Variants in ACTN1 observed in about 807,000 individuals in gnomAD.
ACTN1 encodes alpha-actinin-1.
In ACTN1, 30 loss-of-function variants were observed where a neutral mutation model predicts 119.6. The observed-to-expected ratio is 0.25, with a 90% CI of 0.19 to 0.34. The LOEUF is 0.34. ACTN1 is among the 10% of genes least tolerant of loss of function. The pLI is 1.00. For synonymous variants in ACTN1, 429 were observed against 472.6 expected, an observed-to-expected ratio of 0.91 and a Z score of 1.20; for missense variants, 764 against 1,223.4, an observed-to-expected ratio of 0.62 and a Z score of 5.60.
Position 68,909,490 on chromosome 14 carries a change from G to T in ACTN1, c.516-94C>A, listed in dbSNP as rs771099218. 54 of 1,121,616 alleles carry T rather than the reference G, an allele frequency of 4.8e-5. No individual in the cohort carries two copies. The highest frequency in any genetic ancestry group is 6.0e-5 in the Non-Finnish European group (45 of 752,174). The allele number at this position is 1,121,616 out of a possible 1,614,324, so 69.5% of individuals were successfully genotyped here. On this transcript the variant is annotated intron_variant, in intron 5 of 21. Coordinates refer to ENST00000394419, the MANE Select transcript of ACTN1 (RefSeq NM_001130004.2). This position sits in a 1 kb window ranked among gnomAD's most constrained non-coding sequence, Gnocchi z 4.1. ...GCAGGGGCCTCCTAGACACCAGAGA[G>T]ATGAACACATAGAGCTTTCTGGGGT...
intron 8 of ACTN1, among the ~76,000 whole-genome samples, chr14:68,899,415 ACAC>A (rs1054226274): frequency 2.3e-4 from 32 of 140,242 alleles, no homozygotes; most frequent in African/African-American, 2.8e-4. Context: ...ACACCCTTCC[ACAC>A]CACATTCCCC....
chr14:68,894,407 GCGCTGC>G (rs1370022130), intron 8 of ACTN1, among the ~76,000 whole-genome samples: 2 of 152,194 alleles, frequency 1.3e-5, no homozygotes, highest in Non-Finnish European at 2.9e-5. Context: ...CACACATCAT[GCGCTGC>G]GTGCTGGGCT....
At chr14:68,977,019 C>A (rs2037084323) in intron 1 of ACTN1, among the ~76,000 whole-genome samples, 1 of 152,206 alleles carries the variant, frequency 6.6e-6, no homozygotes, top group South Asian at 2.1e-4. Context: ...CAGGCCGGTG[C>A]TCAGTGTCTG....
chr14:68,931,640 C>A (rs917885270), intron 1 of ACTN1, among the ~76,000 whole-genome samples: 1 of 152,152 alleles, frequency 6.6e-6, no homozygotes, highest in Non-Finnish European at 1.5e-5. Flanking sequence ...CTTCTCCAAG[C>A]CTCCATCTCC....
chr14:68,882,424 G>GGCC lies in ACTN1; in HGVS notation c.1953+33_1953+34insGGC. 9.2e-7 allele frequency: 1 copy of GGCC among 1,081,808 alleles called. No homozygotes were observed. Among genetic ancestry groups the GGCC allele is most frequent in the Non-Finnish European group, 1.4e-6 (1 of 734,418 alleles). 67.0% of individuals were successfully genotyped at this position (1,081,808 alleles called of 1,614,324 possible). A position where few individuals can be genotyped will look rare whatever the true frequency, so the allele number is the denominator to read the frequency against. ...GGATAGTGTCGGGGGGGAGGGGTGG[G>GGCC]AGCCCCAGCACTGCTTCCCAGCATG... On this transcript the variant is annotated intron_variant, in intron 16 of 21. Coordinates refer to ENST00000394419, the MANE Select transcript of ACTN1 (RefSeq NM_001130004.2). This position sits in a 1 kb window ranked among gnomAD's most constrained non-coding sequence, Gnocchi z 4.5.
chr14:68,904,828 C>T (rs2033568730), intron 6 of ACTN1, 92 bp from the exon 7 acceptor site: 2 of 1,056,154 alleles, frequency 1.9e-6, no homozygotes, highest in African/African-American at 1.6e-5. Context: ...AACTGGGGAG[C>T]AGAGCGACTT....
chr14:68,964,130 A>T (rs1190805802), intron 1 of ACTN1, among the ~76,000 whole-genome samples: 1 of 152,232 alleles, frequency 6.6e-6, no homozygotes, highest in East Asian at 1.9e-4. Context: ...AAGGGGCTCC[A>T]GCACTGCCTC....
chr14:68,969,548 G>A (rs1228584565), intron 1 of ACTN1, among the ~76,000 whole-genome samples: 1 of 152,224 alleles, frequency 6.6e-6, no homozygotes. Context: ...CTCTGCCAAG[G>A]TCAAGGAGGT....
chr14:68,887,271 A>G (rs1176922462), intron 11 of ACTN1: 22 of 328,746 alleles, frequency 6.7e-5, no homozygotes, highest in South Asian at 5.2e-4. Flanking sequence ...GCACAGTGAC[A>G]AAGTTATTAG....
chr14:68,945,080 C>G (rs1212042155), intron 1 of ACTN1, among the ~76,000 whole-genome samples: 1 of 150,548 alleles, frequency 6.6e-6, no homozygotes, highest in East Asian at 2.0e-4. Flanking sequence ...GTAGGAGAAT[C>G]GCTTGAACCC....
chr14:68,954,606 A>G lies in ACTN1; in HGVS notation c.105+24346T>C, dbSNP rs11845150. On this transcript the variant is annotated intron_variant, in intron 1 of 21. Coordinates refer to ENST00000394419, the MANE Select transcript of ACTN1 (RefSeq NM_001130004.2). ...CTCCCAAAGTGCTGGGATTACAGGCATGAGCCACCACACCCGGCCCATACA... is the reference window on the plus strand; with the variant it reads ...CTCCCAAAGTGCTGGGATTACAGGCGTGAGCCACCACACCCGGCCCATACA... Among the ~76,000 whole-genome samples the G allele has an allele frequency of 7.3e-3, 1,111 of 152,300 alleles. 16 individuals carry two copies. The highest frequency in any genetic ancestry group is 0.025 in the African/African-American group (1,046 of 41,560).
In ACTN1 at chr14:68,884,744, T is replaced by C. The variant is rs41285484; in HGVS notation, c.1494+31A>G. 6.8e-4 allele frequency: 1,054 copies of C among 1,561,328 alleles called. 3 individuals are homozygous for C. The highest frequency in any genetic ancestry group is 7.8e-4 in the Non-Finnish European group (881 of 1,132,044). On this transcript the variant is annotated intron_variant, in intron 13 of 21. Coordinates refer to ENST00000394419, the MANE Select transcript of ACTN1 (RefSeq NM_001130004.2). ...AGGGGCACCACAGGGCTGCCGGATA[T>C]GGGCCTAGATCTCCCTCTGGGACCT... is the stretch of plus-strand genomic sequence containing the variant.
chr14:68,927,378 C>T (rs989790322), intron 1 of ACTN1, among the ~76,000 whole-genome samples: 3 of 152,230 alleles, frequency 2.0e-5, no homozygotes, highest in African/African-American at 7.2e-5. Context: ...GAGGTAGAAA[C>T]TCAATGTTCA....
intron 1 of ACTN1, among the ~76,000 whole-genome samples, chr14:68,950,719 G>A (rs150295706): frequency 0.077 from 11,605 of 151,566 alleles, 598 homozygotes; most frequent in African/African-American, 0.14. Flanking sequence ...CCGCCACCAC[G>A]CCTGGCTAAT....
At chr14:68,915,254 C>CCT (rs2034226492) in intron 3 of ACTN1, among the ~76,000 whole-genome samples, 1 of 148,696 alleles carries the variant, frequency 6.7e-6, no homozygotes, top group Non-Finnish European at 1.5e-5. Context: ...CCTCCCCCTG[C>CCT]TCCTTCTTCC....
chr14:68,895,411 T>C (rs1476079216), intron 8 of ACTN1, among the ~76,000 whole-genome samples: 1 of 152,092 alleles, frequency 6.6e-6, no homozygotes, highest in Non-Finnish European at 1.5e-5. Context: ...CTGGAGCCTG[T>C]CTAGGAGACC....
chr14:68,933,428 G>A (rs1021627988), intron 1 of ACTN1, among the ~76,000 whole-genome samples: 2 of 152,014 alleles, frequency 1.3e-5, no homozygotes, highest in African/African-American at 2.4e-5. Flanking sequence ...GAGCCACCAC[G>A]CCCGGCCACC....
Position 68,878,855 on chromosome 14 carries a change from GC to G in ACTN1, c.2361+133del. On this transcript the variant is annotated intron_variant, in intron 19 of 21. Transcript: ENST00000394419. This position sits in a 1 kb window ranked among gnomAD's most constrained non-coding sequence, Gnocchi z 4.4. ...ACCAGTGATGGGGCAGACAGAGACAGCAGGAGAGGACGAGCCCCATGGCCCA... is the reference window on the plus strand; with the variant it reads ...ACCAGTGATGGGGCAGACAGAGACAGAGGAGAGGACGAGCCCCATGGCCCA... 6.3e-7 allele frequency: 1 copy of G among 1,596,250 alleles called. No homozygotes were observed. The highest frequency in any genetic ancestry group is 8.5e-7 in the Non-Finnish European group (1 of 1,178,068).
chr14:68,878,739 A>G lies in ACTN1; in HGVS notation c.2362-216T>C, dbSNP rs1470568357. 1 of 1,538,564 alleles carries G rather than the reference A, an allele frequency of 6.5e-7. No homozygotes were observed. On this transcript the variant is annotated intron_variant, in intron 19 of 21. Coordinates refer to ENST00000394419, the MANE Select transcript of ACTN1 (RefSeq NM_001130004.2). The surrounding 1 kb of genome is among the most constrained non-coding windows in gnomAD (Gnocchi z 4.4). ...GAGGAAGACAGAGCAGGGAGATGCA[A>G]AAATCCACCCATGGGATGAAGAGCA...
Sources: gnomAD v4.1 joint callset for allele counts (sites outside exome capture counted in the v4.1 genomes callset) on GRCh38, gnomAD v4.1.1 for gene constraint, Gnocchi (gnomAD v3.1) non-coding constraint, MANE v1.5 for transcripts, NCBI Gene and HGNC (gene_info 2026-07-23, HGNC 2026-07-21) for gene names.